Variants in SLC22A23 observed in about 807,000 individuals in gnomAD.
SLC22A23 encodes solute carrier family 22 member 23.
SLC22A23 carries 26 observed loss-of-function variants against 61.0 expected under a neutral mutation model. The ratio of observed to expected loss-of-function variants is 0.43; its 90% CI spans 0.31 to 0.59. The LOEUF is 0.59. Ranked by LOEUF, SLC22A23 falls within the 20% of genes least tolerant of loss-of-function variation. SLC22A23 has a pLI of 0.11. For missense variants in SLC22A23, 796 were observed against 934.7 expected (o/e 0.85, Z 1.94); for synonymous variants, 430 against 413.9 (o/e 1.04, Z -0.47).
chr6:3,415,671 T>TAAC, intron 2 of SLC22A23, 81 bp downstream of exon 2: 1 of 990,606 alleles, frequency 1.0e-6, no homozygotes, highest in Non-Finnish European at 1.5e-6. Context: ...CATGGTAAGC[T>TAAC]AACACTGACT....
rs1406395297 is a variant in SLC22A23 at position 3,415,741 on chromosome 6, T to C, written c.758+11A>G. On this transcript the variant is annotated intron_variant, in intron 2 of 9. Coordinates refer to ENST00000406686, the MANE Select transcript of SLC22A23 (RefSeq NM_015482.2). ...TCCAAAGGTTCGTGCGGCGGGCATG[T>C]TGGTACTCACCAGTCAGCAATGCAT... is the stretch of plus-strand genomic sequence containing the variant. 4 of 1,542,400 alleles carry C rather than the reference T, an allele frequency of 2.6e-6. No homozygotes were observed. The highest frequency in any genetic ancestry group is 3.5e-6 in the Non-Finnish European group (4 of 1,138,624).
At chr6:3,276,737 G>A (rs1758944948) in intron 9 of SLC22A23, 1 of 152,256 alleles carries the variant, frequency 6.6e-6, no homozygotes, top group East Asian at 1.9e-4. Flanking sequence ...CTGGTACAGG[G>A]TCTTCGTTAA....
At chr6:3,443,038 G>A (rs1771696303) in intron 1 of SLC22A23, among the ~76,000 whole-genome samples, 1 of 152,174 alleles carries the variant, frequency 6.6e-6, no homozygotes, top group South Asian at 2.1e-4. Context: ...AAATTGCTCA[G>A]GGCTCTGTAA....
intron 1 of SLC22A23, among the ~76,000 whole-genome samples, chr6:3,451,701 A>G (rs1772164629): frequency 1.3e-5 from 2 of 152,164 alleles, no homozygotes; most frequent in Admixed American, 1.3e-4. Context: ...CTTGCTGTCT[A>G]TGTCACTTGG....
At chr6:3,395,859 T>TG (rs1482404764) in intron 3 of SLC22A23, among the ~76,000 whole-genome samples, 1 of 152,250 alleles carries the variant, frequency 6.6e-6, no homozygotes, top group African/African-American at 2.4e-5. Flanking sequence ...AAAAGACTAT[T>TG]GTCCATCACA....
Position 3,298,208 on chromosome 6 carries a change from C to G in SLC22A23, c.1093G>C (p.Glu365Gln). ...GTGGCCATTAGCCACCGGAGGGACT[C>G]GGGGAATATCCTTTAAAGACACAAA... ...LMLLYWSIFPESLRWLMATQQ... is the reference protein window; with the variant it reads ...LMLLYWSIFPQSLRWLMATQQ... Residue 365 changes from glutamate (E) to glutamine (Q), a missense_variant, in exon 5 of 10, where the codon GAG becomes CAG. Glu to Gln is a conservative substitution (Grantham distance 29, BLOSUM62 2). Coordinates refer to ENST00000406686, the MANE Select transcript of SLC22A23 (RefSeq NM_015482.2). The G allele has an allele frequency of 6.3e-7, 1 of 1,594,518 alleles. No homozygotes were observed. Among genetic ancestry groups the G allele is most frequent in the Non-Finnish European group, 8.5e-7 (1 of 1,172,796 alleles).
In SLC22A23 at chr6:3,318,503, C is replaced by T. The variant is rs1236670585; in HGVS notation, c.1082+5331G>A. 6.6e-6 allele frequency among the ~76,000 whole-genome samples: 1 copy of T among 152,178 alleles called. No homozygotes were observed. Among genetic ancestry groups the T allele is most frequent in the Non-Finnish European group, 1.5e-5 (1 of 68,026 alleles). ...CCTGCACACCCTGCCTCACCTGCTG[C>T]TCCCACAGAAACCGCAATAAAGGCT... On this transcript the variant is annotated intron_variant, in intron 4 of 9. Transcript: ENST00000406686. The surrounding 1 kb of genome is among the most constrained non-coding windows in gnomAD (Gnocchi z 4.3).
At chr6:3,282,083 C>T (rs1759520313) in intron 9 of SLC22A23, among the ~76,000 whole-genome samples, 1 of 152,110 alleles carries the variant, frequency 6.6e-6, no homozygotes, top group Non-Finnish European at 1.5e-5. Flanking sequence ...CGCTAGCCAC[C>T]CCCTCCCCCA....
At chr6:3,430,447 T>C (rs1377730858) in intron 1 of SLC22A23, among the ~76,000 whole-genome samples, 1 of 152,144 alleles carries the variant, frequency 6.6e-6, no homozygotes, top group Non-Finnish European at 1.5e-5. Context: ...TACGTTTTCT[T>C]CCTTTGTGCC....
At chr6:3,428,795 G>A (rs537071421) in intron 1 of SLC22A23, among the ~76,000 whole-genome samples, 1 of 152,296 alleles carries the variant, frequency 6.6e-6, no homozygotes, top group South Asian at 2.1e-4. Context: ...AGCTTTTTTT[G>A]AAGGCAGCAT....
chr6:3,415,981 C>T (rs546625611), intron 1 of SLC22A23, 126 bp from the exon 2 acceptor site: 10 of 626,736 alleles, frequency 1.6e-5, no homozygotes, highest in African/African-American at 1.5e-4. Context: ...ATGCCATATA[C>T]ACCAGTCAGA....
chr6:3,354,593 C>A (rs1490677553), intron 3 of SLC22A23, among the ~76,000 whole-genome samples: 1 of 152,172 alleles, frequency 6.6e-6, no homozygotes, highest in Non-Finnish European at 1.5e-5. Context: ...ATGGGTGAAC[C>A]ATTTATTAGT....
intron 3 of SLC22A23, among the ~76,000 whole-genome samples, chr6:3,356,059 A>G (rs540473332): frequency 8.5e-4 from 2 of 2,352 alleles, no homozygotes; most frequent in Non-Finnish European, 8.2e-4. Flanking sequence ...GGGGAGGGGG[A>G]GGAGGCGGGG....
At position 3,327,013 on chromosome 6, in the gene SLC22A23, CG is replaced by C. The variant is rs1333641902; in HGVS notation, c.914-3012del. Among the ~76,000 whole-genome samples, 55 of 151,482 alleles carry C rather than the reference CG, an allele frequency of 3.6e-4. No individual in the cohort carries two copies. The highest frequency in any genetic ancestry group is 5.3e-4 in the Non-Finnish European group (36 of 67,916). ...GGTGGATCGTTTCTGCTGGGAGGGA[CG>C]GGGACTGCAGGTGGATCGTTTCTGC... On this transcript the variant is annotated intron_variant, in intron 3 of 9. Transcript: ENST00000406686. The surrounding 1 kb of genome is among the most constrained non-coding windows in gnomAD (Gnocchi z 4.1).
At position 3,432,181 on chromosome 6, in the gene SLC22A23, G is replaced by A. The variant is rs1032037080; in HGVS notation, c.655-16326C>T. The A allele has an allele frequency of 1.2e-5, 12 of 984,084 alleles. No homozygotes were observed. In the African/African-American group the frequency reaches 1.9e-4, roughly 16 times the overall value. The allele number at this position is 984,084 out of a possible 1,614,324, so 61.0% of individuals were successfully genotyped here. On this transcript the variant is annotated intron_variant, in intron 1 of 9. Coordinates refer to ENST00000406686, the MANE Select transcript of SLC22A23 (RefSeq NM_015482.2). The stretch of plus-strand genomic sequence containing the variant: ...TGCTAGGGTTCAAACCGGTTCTCCT[G>A]CATCTGAGCCCAGTGCTCCTTGCCC...
intron 1 of SLC22A23, among the ~76,000 whole-genome samples, chr6:3,424,158 C>T (rs2127532910): frequency 6.6e-6 from 1 of 152,284 alleles, no homozygotes; most frequent in East Asian, 1.9e-4. Flanking sequence ...CCCCACCTAC[C>T]TCTCTCATCA....
At position 3,317,648 on chromosome 6, in the gene SLC22A23, A is replaced by G. The variant is rs909132913; in HGVS notation, c.1082+6186T>C. ...TTTACCGAGTGACAATCAATGCCTG[A>G]GCAAAATGACTAAAGATGCATTTCT... On this transcript the variant is annotated intron_variant, in intron 4 of 9. Transcript: ENST00000406686. This position sits in a 1 kb window ranked among gnomAD's most constrained non-coding sequence, Gnocchi z 4.4. Among the ~76,000 whole-genome samples, 20 of 152,160 alleles carry G rather than the reference A, an allele frequency of 1.3e-4. No homozygotes were observed. Among genetic ancestry groups the G allele is most frequent in the Admixed American group, 1.3e-3 (20 of 15,278 alleles).
At chr6:3,430,231 A>C (rs1770769718) in intron 1 of SLC22A23, among the ~76,000 whole-genome samples, 1 of 152,180 alleles carries the variant, frequency 6.6e-6, no homozygotes, top group Non-Finnish European at 1.5e-5. Flanking sequence ...TCCAAGGTGC[A>C]GGCCTCTCTA....
At chr6:3,280,313 A>G (rs1356884369) in intron 9 of SLC22A23, among the ~76,000 whole-genome samples, 1 of 152,040 alleles carries the variant, frequency 6.6e-6, no homozygotes, top group African/African-American at 2.4e-5. Context: ...CCTCAGGATC[A>G]TGGGCAGCTC....
Sources: gnomAD v4.1 joint callset for allele counts (sites outside exome capture counted in the v4.1 genomes callset) on GRCh38, gnomAD v4.1.1 for gene constraint, Gnocchi (gnomAD v3.1) non-coding constraint, MANE v1.5 for transcripts, NCBI Gene and HGNC (gene_info 2026-07-23, HGNC 2026-07-21) for gene names.